The following STK33 variants were observed in gnomAD, a reference collection of about 807,000 sequenced individuals.
The protein encoded by STK33 is serine/threonine kinase 33, also known as serine/threonine-protein kinase 33.
In STK33, 52 loss-of-function variants were observed where a neutral mutation model predicts 58.0. That is an observed-to-expected ratio of 0.90 (90% CI 0.72 to 1.13). The LOEUF (loss-of-function observed/expected upper bound fraction) is 1.13. Ranked by LOEUF, STK33 falls within the 50% of genes most tolerant of loss-of-function variation. The pLI, the probability that STK33 is intolerant of heterozygous loss-of-function variation, is 0.00. For synonymous variants in STK33, 215 were observed against 200.1 expected (o/e 1.07, Z -0.63); for missense variants, 630 against 604.2 (o/e 1.04, Z -0.45).
At chr11:8,570,593 G>GT (rs533589397) in intron 1 of STK33, among the ~76,000 whole-genome samples, 45 of 152,288 alleles carry the variant, frequency 3.0e-4, no homozygotes, top group African/African-American at 1.1e-3. Context: ...ATAAAAATGA[G>GT]TAAGTTATGG....
chr11:8,462,171 GTTTCTATA>G, intron 7 of STK33, among the ~76,000 whole-genome samples: 1 of 151,680 alleles, frequency 6.6e-6, no homozygotes, highest in East Asian at 1.9e-4. Context: ...TTCTTGAATT[GTTTCTATA>G]ACTTAGCTAC....
chr11:8,581,953 T>C (rs547766636), intron 1 of STK33, among the ~76,000 whole-genome samples: 26 of 152,364 alleles, frequency 1.7e-4, no homozygotes, highest in Admixed American at 4.6e-4. Flanking sequence ...AAACCACTAA[T>C]ACAGCACTCA....
At chr11:8,410,470 C>CTTTTTTTTT (rs11382344) in intron 15 of STK33, among the ~76,000 whole-genome samples, 33 of 121,834 alleles carry the variant, frequency 2.7e-4, no homozygotes, top group South Asian at 1.3e-3. Flanking sequence ...CTTTTCTTTT[C>CTTTTTTTTT]TTTTTTTTTT....
chr11:8,343,570 G>C, the STK33 span, among the ~76,000 whole-genome samples: 1 of 152,168 alleles, frequency 6.6e-6, no homozygotes, highest in Non-Finnish European at 1.5e-5. Context: ...GGGAAAGGGT[G>C]GGGACTGGGT....
intron 1 of STK33, among the ~76,000 whole-genome samples, chr11:8,539,844 C>T (rs765246443): frequency 4.6e-5 from 7 of 152,068 alleles, no homozygotes; most frequent in Non-Finnish European, 1.0e-4. Context: ...AATGTAAATG[C>T]TAAGCTTCTA....
the STK33 span, among the ~76,000 whole-genome samples, chr11:8,368,525 CTG>C: frequency 6.6e-6 from 1 of 152,236 alleles, no homozygotes; most frequent in East Asian, 1.9e-4. Context: ...CCCCTGGGCT[CTG>C]TCTCTTCTTA....
intron 1 of STK33, among the ~76,000 whole-genome samples, chr11:8,573,379 G>A (rs773424716): frequency 1.3e-5 from 2 of 152,052 alleles, no homozygotes; most frequent in East Asian, 1.9e-4. Flanking sequence ...AATTAATATC[G>A]CAATGAAGTA....
chr11:8,435,999 TAGTAA>T, intron 13 of STK33, 23 bp downstream of exon 13: 1 of 1,316,614 alleles, frequency 7.6e-7, no homozygotes, highest in Non-Finnish European at 1.0e-6. Context: ...ATATTAGCTT[TAGTAA>T]ATAATAACGC....
At chr11:8,400,601 T>C (rs1937678025) in intron 15 of STK33, among the ~76,000 whole-genome samples, 1 of 152,186 alleles carries the variant, frequency 6.6e-6, no homozygotes, top group African/African-American at 2.4e-5. Context: ...TTTAACATAG[T>C]GTTGGAAGTT....
At chr11:8,468,952 T>C (rs770540413) in intron 6 of STK33, among the ~76,000 whole-genome samples, 5 of 152,268 alleles carry the variant, frequency 3.3e-5, no homozygotes, top group African/African-American at 7.2e-5. Context: ...AATTTTAAAA[T>C]GCTGCATTGC....
intron 14 of STK33, among the ~76,000 whole-genome samples, chr11:8,434,855 A>G (rs947090580): frequency 6.6e-6 from 1 of 152,202 alleles, no homozygotes; most frequent in Non-Finnish European, 1.5e-5. Flanking sequence ...TTTTAACTGG[A>G]CAGCAATGTT....
chr11:8,521,767 C>T (rs191320965), intron 1 of STK33, among the ~76,000 whole-genome samples: 1 of 152,044 alleles, frequency 6.6e-6, no homozygotes, highest in African/African-American at 2.4e-5. Context: ...AGAACTTAAA[C>T]AAATTTACAA....
At chr11:8,397,509 G>A (rs1488687077) in intron 15 of STK33, among the ~76,000 whole-genome samples, 7 of 152,098 alleles carry the variant, frequency 4.6e-5, no homozygotes, top group Admixed American at 4.6e-4. Context: ...ACAAAGATGG[G>A]GAAAAACCAG....
chr11:8,373,974 C>T, the STK33 span, among the ~76,000 whole-genome samples: 1 of 152,204 alleles, frequency 6.6e-6, no homozygotes, highest in Non-Finnish European at 1.5e-5. Flanking sequence ...CCTGGTCTTC[C>T]CTGTCTTCTT....
chr11:8,368,957 A>AC, the STK33 span, among the ~76,000 whole-genome samples: 1 of 152,066 alleles, frequency 6.6e-6, no homozygotes, highest in African/African-American at 2.4e-5. Context: ...AGCTGTTACC[A>AC]CCGCAGAAGC....
chr11:8,339,202 G>A, the STK33 span, among the ~76,000 whole-genome samples: 3,281 of 152,258 alleles, frequency 0.022, 120 homozygotes, highest in African/African-American at 0.073. Context: ...ATGGGGCTCC[G>A]AGGGATTTAT....
chr11:8,447,751 A>G (rs1452736268), intron 11 of STK33, among the ~76,000 whole-genome samples: 1 of 152,186 alleles, frequency 6.6e-6, no homozygotes, highest in Non-Finnish European at 1.5e-5. Flanking sequence ...CTCTCTCACC[A>G]TTCCTATTCA....
intron 15 of STK33, among the ~76,000 whole-genome samples, chr11:8,399,718 C>T (rs1050057074): frequency 2.6e-5 from 4 of 152,110 alleles, no homozygotes; most frequent in African/African-American, 9.7e-5. Context: ...TGATAGACCA[C>T]TAGCAAGACT....
At chr11:8,424,269 G>C (rs1282007444) in intron 14 of STK33, among the ~76,000 whole-genome samples, 1 of 151,302 alleles carries the variant, frequency 6.6e-6, no homozygotes, top group Non-Finnish European at 1.5e-5. Context: ...ATAGTTTGCT[G>C]AGAATGATGG....
Sources: allele counts gnomAD v4.1 joint callset (sites outside exome capture counted in the v4.1 genomes callset), GRCh38; gene constraint gnomAD v4.1.1; transcripts MANE v1.5; gene names NCBI Gene and HGNC (gene_info 2026-07-23, HGNC 2026-07-21).